PRKCA: variants seen among roughly 807,000 people sequenced by gnomAD.
The protein encoded by PRKCA is protein kinase C alpha type.
A neutral mutation model predicts 87.0 loss-of-function variants in PRKCA; 27 were observed. That is an observed-to-expected ratio of 0.31 (90% CI 0.23 to 0.43). The LOEUF is 0.43. Ranked by LOEUF, PRKCA falls within the 20% of genes least tolerant of loss-of-function variation. PRKCA has a pLI of 1.00. For synonymous variants in PRKCA, 329 were observed against 311.1 expected (o/e 1.06, Z -0.61); for missense variants, 518 against 852.3 (o/e 0.61, Z 4.88).
At chr17:66,410,594 G>GTTTT (rs1911728646) in intron 2 of PRKCA, among the ~76,000 whole-genome samples, 1 of 152,072 alleles carries the variant, frequency 6.6e-6, no homozygotes, top group Non-Finnish European at 1.5e-5. Context: ...TTGTTTGTTT[G>GTTTT]AGACAGAGTC....
chr17:66,659,614 A>T (rs1971835401), intron 5 of PRKCA, among the ~76,000 whole-genome samples: 1 of 152,208 alleles, frequency 6.6e-6, no homozygotes, highest in Admixed American at 6.5e-5. Context: ...ATGGTGGCAC[A>T]CATGCTGCAC....
chr17:66,448,858 C>CAA (rs34347849), intron 2 of PRKCA, among the ~76,000 whole-genome samples: 26 of 145,102 alleles, frequency 1.8e-4, no homozygotes, highest in African/African-American at 6.6e-4. Context: ...GAGATTCTGG[C>CAA]AAAAAAAAAA....
chr17:66,780,270 C>T (rs147099710), intron 14 of PRKCA, among the ~76,000 whole-genome samples: 40 of 152,266 alleles, frequency 2.6e-4, no homozygotes, highest in African/African-American at 8.9e-4. Flanking sequence ...GTCCTGATGA[C>T]GCATCACCTC....
chr17:66,368,378 ATATATATATTTTTT>A (rs1908873659), intron 2 of PRKCA, among the ~76,000 whole-genome samples: 1 of 28,210 alleles, frequency 3.5e-5, no homozygotes, highest in Non-Finnish European at 8.9e-5. Flanking sequence ...ATATATATAT[ATATATATATTTTTT>A]TTTTTTTTTT....
chr17:66,787,722 A>T (rs887971102), intron 15 of PRKCA, among the ~76,000 whole-genome samples: 2 of 151,978 alleles, frequency 1.3e-5, no homozygotes, highest in African/African-American at 4.8e-5. Flanking sequence ...CCCCGCCCCA[A>T]GATAACCTGC....
intron 8 of PRKCA, among the ~76,000 whole-genome samples, chr17:66,725,919 G>A (rs896935543): frequency 1.1e-4 from 16 of 152,184 alleles, no homozygotes; most frequent in African/African-American, 3.6e-4. Flanking sequence ...GGAGACATGG[G>A]TGGGGAGTAG....
chr17:66,650,654 C>T (rs1466066665), intron 5 of PRKCA, among the ~76,000 whole-genome samples: 1 of 152,048 alleles, frequency 6.6e-6, no homozygotes, highest in East Asian at 1.9e-4. Flanking sequence ...GGGAAGACTT[C>T]CTCCCAGCTC....
At chr17:66,340,385 T>A (rs1193800807) in intron 2 of PRKCA, among the ~76,000 whole-genome samples, 6 of 151,256 alleles carry the variant, frequency 4.0e-5, no homozygotes, top group Non-Finnish European at 5.9e-5. Context: ...TTTTTCTTTT[T>A]TTTTTTTGGC....
intron 2 of PRKCA, among the ~76,000 whole-genome samples, chr17:66,324,474 A>G (rs1905860582): frequency 6.9e-6 from 1 of 144,464 alleles, no homozygotes; most frequent in Non-Finnish European, 1.5e-5. Flanking sequence ...AAAGCTGGGC[A>G]TGGTGGTGTG....
At chr17:66,404,914 T>C (rs913140639) in intron 2 of PRKCA, among the ~76,000 whole-genome samples, 6 of 151,820 alleles carry the variant, frequency 4.0e-5, no homozygotes, top group Non-Finnish European at 1.5e-5. Context: ...CACGCCCGGC[T>C]AATTTTTGTG....
At chr17:66,781,891 T>TATA (rs1568030798) in intron 14 of PRKCA, among the ~76,000 whole-genome samples, 32 of 135,498 alleles carry the variant, frequency 2.4e-4, no homozygotes, top group East Asian at 9.0e-4. Flanking sequence ...ATATATAGTG[T>TATA]GTGTGTGTGT....
rs777623230 is a variant in PRKCA at position 66,571,992 on chromosome 17, C to T, written c.289-69363C>T. On this transcript the variant is annotated intron_variant, in intron 3 of 16. Coordinates refer to ENST00000413366, the MANE Select transcript of PRKCA (RefSeq NM_002737.3). The stretch of plus-strand genomic sequence containing the variant: ...CTCCGTATAATTCCGTCTGACGTGC[C>T]ACTCCATATAATTGGGATGCTGTCT... 2.1e-4 allele frequency among the ~76,000 whole-genome samples: 32 copies of T among 152,160 alleles called. 1 individual carries two copies. Among genetic ancestry groups the T allele is most frequent in the Non-Finnish European group, 2.2e-4 (15 of 68,030 alleles).
chr17:66,458,788 G>T (rs1269365820), intron 2 of PRKCA, among the ~76,000 whole-genome samples: 1 of 152,106 alleles, frequency 6.6e-6, no homozygotes, highest in Non-Finnish European at 1.5e-5. Context: ...GCCCCTTTCA[G>T]AATCTTCTGA....
At chr17:66,622,936 T>C (rs1051369573) in intron 3 of PRKCA, among the ~76,000 whole-genome samples, 1 of 152,122 alleles carries the variant, frequency 6.6e-6, no homozygotes, top group Admixed American at 6.5e-5. Flanking sequence ...CAATTCAAGA[T>C]GAGATTTGGG....
intron 13 of PRKCA, among the ~76,000 whole-genome samples, chr17:66,758,034 TC>T (rs2144285809): frequency 6.6e-6 from 1 of 152,338 alleles, no homozygotes; most frequent in African/African-American, 2.4e-5. Flanking sequence ...CAAAAGAAGT[TC>T]TTTAGAGAGA....
intron 3 of PRKCA, among the ~76,000 whole-genome samples, chr17:66,504,600 A>T (rs76283400): frequency 7.0e-6 from 1 of 143,440 alleles, no homozygotes; most frequent in African/African-American, 2.6e-5. Flanking sequence ...CTCAAAAAAG[A>T]AAAAAAAAAA....
At chr17:66,380,214 T>G (rs1231915813) in intron 2 of PRKCA, among the ~76,000 whole-genome samples, 2 of 151,992 alleles carry the variant, frequency 1.3e-5, no homozygotes, top group Non-Finnish European at 2.9e-5. Context: ...ATAGGGTTTT[T>G]TTTTTTTTAA....
intron 2 of PRKCA, among the ~76,000 whole-genome samples, chr17:66,482,283 G>A (rs975912454): frequency 6.6e-5 from 10 of 152,006 alleles, no homozygotes; most frequent in African/African-American, 1.9e-4. Context: ...GGAACTTAGG[G>A]CATGCAATCA....
intron 1 of PRKCA, among the ~76,000 whole-genome samples, chr17:66,304,594 A>G (rs1904703661): frequency 1.3e-5 from 2 of 152,198 alleles, no homozygotes; most frequent in Non-Finnish European, 2.9e-5. Context: ...GGGTGAGCAT[A>G]GTATGGATGG....
Sources: gnomAD v4.1 joint callset for allele counts (sites outside exome capture counted in the v4.1 genomes callset) on GRCh38, gnomAD v4.1.1 for gene constraint, MANE v1.5 for transcripts, NCBI Gene and HGNC (gene_info 2026-07-23, HGNC 2026-07-21) for gene names.